The following CDKAL1 variants were observed in gnomAD, a reference collection of about 807,000 sequenced individuals.
CDKAL1 encodes the protein CDKAL1 threonylcarbamoyladenosine tRNA methylthiotransferase.
In CDKAL1, 32 loss-of-function variants were observed where a neutral mutation model predicts 68.2. The observed-to-expected ratio is 0.47, with a 90% CI of 0.35 to 0.63. The LOEUF is 0.63. Ranked by LOEUF, CDKAL1 falls within the 30% of genes least tolerant of loss-of-function variation. CDKAL1 has a pLI of 0.00. For synonymous variants in CDKAL1, 234 were observed against 244.3 expected, an observed-to-expected ratio of 0.96 and a Z score of 0.39; for missense variants, 606 against 696.7, an observed-to-expected ratio of 0.87 and a Z score of 1.47.
intron 13 of CDKAL1, among the ~76,000 whole-genome samples, chr6:21,122,527 T>G (rs551845279): frequency 8.5e-5 from 13 of 152,318 alleles, no homozygotes; most frequent in Admixed American, 8.5e-4. Context: ...TTTGGTTAGT[T>G]TGGTTACAGA....
intron 5 of CDKAL1, among the ~76,000 whole-genome samples, chr6:20,679,428 A>C (rs1450245029): frequency 6.6e-6 from 1 of 152,164 alleles, no homozygotes; most frequent in African/African-American, 2.4e-5. Flanking sequence ...GCATTTGTAC[A>C]TTCATCTTTG....
At chr6:20,754,663 T>C (rs1323314057) in intron 6 of CDKAL1, among the ~76,000 whole-genome samples, 1 of 152,232 alleles carries the variant, frequency 6.6e-6, no homozygotes, top group Non-Finnish European at 1.5e-5. Context: ...ATTATTGAGT[T>C]GTAGAAGTTC....
chr6:21,146,955 C>T (rs983834086), intron 13 of CDKAL1, among the ~76,000 whole-genome samples: 2 of 151,590 alleles, frequency 1.3e-5, no homozygotes, highest in Non-Finnish European at 1.5e-5. Context: ...CTATAGTTTT[C>T]CTGTCTGATT....
At chr6:20,954,879 AATGAAT>A (rs1764704602) in intron 9 of CDKAL1, among the ~76,000 whole-genome samples, 1 of 152,232 alleles carries the variant, frequency 6.6e-6, no homozygotes, top group South Asian at 2.1e-4. Flanking sequence ...GCAGCAACAA[AATGAAT>A]ACTATTTTTA....
intron 8 of CDKAL1, among the ~76,000 whole-genome samples, chr6:20,842,506 C>T (rs567937780): frequency 3.3e-5 from 5 of 152,212 alleles, no homozygotes; most frequent in Non-Finnish European, 7.4e-5. Flanking sequence ...AGGATGAACC[C>T]GTCTTATACA....
rs374459538 is a variant in CDKAL1 at position 20,678,926 on chromosome 6, G to T, written c.371+29549G>T. ...TTTTTGTTTTTGTTTTTGAGACAGG[G>T]TCTTCCTCATACCCAGTCTGGAGTG... On this transcript the variant is annotated intron_variant, in intron 5 of 15. Coordinates refer to ENST00000274695, the MANE Select transcript of CDKAL1 (RefSeq NM_017774.3). 1.2e-4 allele frequency among the ~76,000 whole-genome samples: 18 copies of T among 152,138 alleles called. No homozygotes were observed. In the East Asian group the frequency reaches 2.5e-3, roughly 21 times the overall value.
chr6:21,162,007 A>T (rs1776949586), intron 13 of CDKAL1, among the ~76,000 whole-genome samples: 1 of 152,194 alleles, frequency 6.6e-6, no homozygotes, highest in African/African-American at 2.4e-5. Flanking sequence ...TTTAATAAGT[A>T]ATACAGACGC....
At chr6:20,596,837 G>A (rs1328352340) in intron 4 of CDKAL1, among the ~76,000 whole-genome samples, 3 of 152,218 alleles carry the variant, frequency 2.0e-5, no homozygotes, top group Non-Finnish European at 4.4e-5. Context: ...TAGTATCTGG[G>A]CTGAAGTGCA....
At chr6:20,652,534 A>G (rs9295475) in intron 5 of CDKAL1, among the ~76,000 whole-genome samples, 37,699 of 151,984 alleles carry the variant, frequency 0.25, 5,352 homozygotes, top group African/African-American at 0.39. Flanking sequence ...TCCTCATTCC[A>G]TATTTCCAAC....
chr6:20,791,531 G>C (rs1184650319), intron 8 of CDKAL1, among the ~76,000 whole-genome samples: 1 of 152,152 alleles, frequency 6.6e-6, no homozygotes. Flanking sequence ...GCCACTTAGA[G>C]CTAAAGTTTG....
intron 9 of CDKAL1, among the ~76,000 whole-genome samples, chr6:20,883,983 C>T (rs1373957507): frequency 6.6e-6 from 1 of 152,090 alleles, no homozygotes; most frequent in Non-Finnish European, 1.5e-5. Flanking sequence ...AACTCATTCT[C>T]TGAGGTCAGC....
intron 5 of CDKAL1, among the ~76,000 whole-genome samples, chr6:20,708,938 T>A (rs1251966385): frequency 6.6e-6 from 1 of 152,160 alleles, no homozygotes; most frequent in Non-Finnish European, 1.5e-5. Flanking sequence ...TAGTCAAACA[T>A]TGGTCATGAT....
intron 4 of CDKAL1, among the ~76,000 whole-genome samples, chr6:20,641,815 T>A (rs1768189944): frequency 7.3e-6 from 1 of 136,970 alleles, no homozygotes; most frequent in South Asian, 2.5e-4. Flanking sequence ...CTTATTTATA[T>A]ATGTTTGTGT....
intron 4 of CDKAL1, among the ~76,000 whole-genome samples, chr6:20,571,007 G>A (rs1291889358): frequency 1.3e-5 from 2 of 152,038 alleles, no homozygotes; most frequent in Non-Finnish European, 2.9e-5. Flanking sequence ...TCTGCTGTGG[G>A]GATTTTCAGA....
rs547844726 is a variant in CDKAL1 at position 21,148,896 on chromosome 6, CTGTA to C, written c.1299+40436_1299+40439del. ...CCATTCATGACTAAAAAAGAATAAA[CTGTA>C]TGAAGTGAAGACTGAATTTTTAGTT... On this transcript the variant is annotated intron_variant, in intron 13 of 15. Transcript: ENST00000274695. Among the ~76,000 whole-genome samples the C allele has an allele frequency of 2.3e-3, 356 of 152,244 alleles. 1 individual carries two copies. The highest frequency in any genetic ancestry group is 8.2e-3 in the African/African-American group (342 of 41,540).
chr6:20,902,976 A>G (rs1319852030), intron 9 of CDKAL1, among the ~76,000 whole-genome samples: 1 of 152,160 alleles, frequency 6.6e-6, no homozygotes, highest in Non-Finnish European at 1.5e-5. Flanking sequence ...ACTGTATTCT[A>G]TAGACTGAAT....
chr6:21,024,814 C>T (rs1768873134), intron 11 of CDKAL1, among the ~76,000 whole-genome samples: 1 of 152,138 alleles, frequency 6.6e-6, no homozygotes, highest in Non-Finnish European at 1.5e-5. Flanking sequence ...AACTGCTTTC[C>T]TTTCTTCCTC....
intron 5 of CDKAL1, among the ~76,000 whole-genome samples, chr6:20,712,151 C>T (rs984993955): frequency 6.6e-6 from 1 of 152,028 alleles, no homozygotes; most frequent in Admixed American, 6.6e-5. Context: ...AAGTGATGAG[C>T]TAATCATCTT....
chr6:20,707,036 G>T (rs1348086501), intron 5 of CDKAL1, among the ~76,000 whole-genome samples: 1 of 152,156 alleles, frequency 6.6e-6, no homozygotes, highest in Admixed American at 6.5e-5. Flanking sequence ...ACGTTATTTA[G>T]ATCATTGTTA....
Sources: allele counts gnomAD v4.1 joint callset (sites outside exome capture counted in the v4.1 genomes callset), GRCh38; gene constraint gnomAD v4.1.1; transcripts MANE v1.5; gene names NCBI Gene and HGNC (gene_info 2026-07-23, HGNC 2026-07-21).